Variants in DAOA observed in about 807,000 individuals in gnomAD.
The protein encoded by DAOA is D-amino acid oxidase activator, also known as D-amino acid oxidase regulator.
DAOA carries 15 observed loss-of-function variants against 16.4 expected under a neutral mutation model. That is an observed-to-expected ratio of 0.91 (90% CI 0.61 to 1.41). The LOEUF is 1.41. Among genes scored for constraint, DAOA ranks in the 40% most tolerant of loss-of-function variants. The pLI is 0.00. For missense variants in DAOA, 230 were observed against 176.8 expected (o/e 1.30, Z -1.71); for synonymous variants, 75 against 59.1 (o/e 1.27, Z -1.23).
At chr13:105,466,946 G>A in intron 2 of DAOA, 107 bp from the exon 3 acceptor site, 1 of 1,349,408 alleles carries the variant, frequency 7.4e-7, no homozygotes. Flanking sequence ...AAATATGAAA[G>A]TGCTAAACCA....
intron 4 of DAOA, 85 bp downstream of exon 4, chr13:105,472,770 T>C: frequency 2.4e-6 from 3 of 1,248,458 alleles, no homozygotes; most frequent in Admixed American, 2.4e-5. Flanking sequence ...TTCTCTGGGC[T>C]TTTTAATATT....
At chr13:105,473,917 T>G (rs1254141349) in intron 4 of DAOA, among the ~76,000 whole-genome samples, 2 of 152,160 alleles carry the variant, frequency 1.3e-5, no homozygotes, top group East Asian at 1.9e-4. Flanking sequence ...TTATTCAACT[T>G]CCTTATCAAA....
At chr13:105,480,531 G>C (rs766828628) in intron 4 of DAOA, among the ~76,000 whole-genome samples, 7 of 87,644 alleles carry the variant, frequency 8.0e-5, no homozygotes, top group Non-Finnish European at 1.7e-4. Flanking sequence ...TAGATACATA[G>C]ATAGATAGAT....
chr13:105,490,635 T>A (rs1430970101), intron 5 of DAOA: 5 of 152,158 alleles, frequency 3.3e-5, no homozygotes, highest in African/African-American at 1.2e-4. Context: ...GGGAGAATAC[T>A]AATAATGGAA....
intron 4 of DAOA, among the ~76,000 whole-genome samples, chr13:105,474,510 A>T (rs1469219067): frequency 1.3e-5 from 2 of 152,134 alleles, no homozygotes; most frequent in Non-Finnish European, 2.9e-5. Flanking sequence ...TGTTCTATCA[A>T]CTTGCATTTT....
intron 4 of DAOA, among the ~76,000 whole-genome samples, chr13:105,480,386 G>A (rs988998261): frequency 6.6e-6 from 1 of 152,032 alleles, no homozygotes; most frequent in Non-Finnish European, 1.5e-5. Context: ...AGTCATTAAG[G>A]AAGGAGAGGA....
chr13:105,486,630 T>C (rs533661298), intron 4 of DAOA, among the ~76,000 whole-genome samples: 34 of 151,910 alleles, frequency 2.2e-4, no homozygotes, highest in African/African-American at 7.2e-4. Flanking sequence ...TCTTTTTTTT[T>C]CTTTTGAGAC....
intron 4 of DAOA, among the ~76,000 whole-genome samples, chr13:105,479,309 T>G (rs117511547): frequency 0.04 from 6,125 of 152,306 alleles, 147 homozygotes; most frequent in South Asian, 0.063. Flanking sequence ...GGTCCTATCA[T>G]TATTGTCTGT....
upstream of DAOA, chr13:105,466,039 G>C: frequency 2.5e-6 from 1 of 406,930 alleles, no homozygotes; most frequent in Admixed American, 4.5e-5. Context: ...CCAGAAAGTA[G>C]AGTGAAGCAA....
chr13:105,473,135 AT>A (rs997472296), intron 4 of DAOA, among the ~76,000 whole-genome samples: 9 of 149,836 alleles, frequency 6.0e-5, no homozygotes, highest in Non-Finnish European at 3.0e-5. Context: ...AACAATGTAA[AT>A]TTCACACTGC....
chr13:105,475,432 A>T (rs1405964408), intron 4 of DAOA, among the ~76,000 whole-genome samples: 1 of 152,174 alleles, frequency 6.6e-6, no homozygotes, highest in Non-Finnish European at 1.5e-5. Flanking sequence ...TCAGGAAAGG[A>T]TCTTTCCCTT....
chr13:105,475,896 T>C (rs893086334), intron 4 of DAOA, among the ~76,000 whole-genome samples: 2 of 152,208 alleles, frequency 1.3e-5, no homozygotes, highest in African/African-American at 4.8e-5. Flanking sequence ...GTCTGTGTAA[T>C]GGCTTCAATT....
intron 4 of DAOA, among the ~76,000 whole-genome samples, chr13:105,480,552 A>ATAGC (rs1877660088): frequency 6.6e-6 from 1 of 151,824 alleles, no homozygotes; most frequent in Non-Finnish European, 1.5e-5. Flanking sequence ...AGATAGATAG[A>ATAGC]TAGATAGATA....
chr13:105,489,788 G>A (rs775949453), intron 4 of DAOA, 113 bp from the exon 5 acceptor site: 22 of 1,606,710 alleles, frequency 1.4e-5, no homozygotes, highest in Non-Finnish European at 1.9e-5. Context: ...TTGAATGTGG[G>A]CAGGAGCTGG....
At position 105,490,123 on chromosome 13, in the gene DAOA, A is replaced by G. The variant is rs376693801; in HGVS notation, c.*42A>G. 8.5e-6 allele frequency: 13 copies of G among 1,526,602 alleles called. No individual in the cohort carries two copies. In the African/African-American group the frequency reaches 1.8e-4, roughly 21 times the overall value. 94.6% of individuals were successfully genotyped at this position (1,526,602 alleles called of 1,614,324 possible). ...TTCCCAGCCAATCCTTCTGATGACA[A>G]TGTAGTCTGGCCAACATCTTCACTG... On this transcript the variant is annotated 3_prime_UTR_variant, in exon 5 of 6. Coordinates refer to ENST00000375936, the MANE Select transcript of DAOA (RefSeq NM_172370.5).
In DAOA at chr13:105,472,653, T is replaced by C. The variant is rs1336907382; in HGVS notation, c.249T>C (p.Pro83=). 1.2e-6 allele frequency: 2 copies of C among 1,613,940 alleles called. No individual in the cohort carries two copies. The highest frequency in any genetic ancestry group is 1.3e-5 in the African/African-American group (1 of 74,944). The change falls in exon 4 of 6, where the codon CCT becomes CCC. Residue 83 remains proline (P), a synonymous_variant. Transcript: ENST00000375936. ...GGCATTTACAGAGATCATTATGTCC[T>C]TGGGTCTCTTACCTTCCTCAGCCCT... The part of the protein sequence containing the change: ...AQRHLQRSLC[P]WVSYLPQPYA...
chr13:105,478,167 T>C (rs1393933031), intron 4 of DAOA, among the ~76,000 whole-genome samples: 1 of 152,202 alleles, frequency 6.6e-6, no homozygotes, highest in Non-Finnish European at 1.5e-5. Context: ...CATCTAACAA[T>C]ACAGCTGCAC....
At chr13:105,477,600 T>C (rs1877427584) in intron 4 of DAOA, among the ~76,000 whole-genome samples, 1 of 152,148 alleles carries the variant, frequency 6.6e-6, no homozygotes, top group South Asian at 2.1e-4. Context: ...GGTGCATGCC[T>C]GTAGTCCCAG....
At chr13:105,485,742 G>C (rs765155291) in intron 4 of DAOA, among the ~76,000 whole-genome samples, 1 of 152,116 alleles carries the variant, frequency 6.6e-6, no homozygotes, top group Admixed American at 6.6e-5. Flanking sequence ...AGAAGAGAAG[G>C]TGAAGACATA....
Sources: allele counts gnomAD v4.1 joint callset (sites outside exome capture counted in the v4.1 genomes callset), GRCh38; gene constraint gnomAD v4.1.1; transcripts MANE v1.5; gene names NCBI Gene and HGNC (gene_info 2026-07-23, HGNC 2026-07-21).